Variants in CD8B2 observed in about 807,000 individuals in gnomAD.
CD8B2 encodes T-cell surface glycoprotein CD8 beta-2 chain.
In CD8B2, 11 loss-of-function variants were observed where a neutral mutation model predicts 23.7. The ratio of observed to expected loss-of-function variants is 0.46; its 90% CI spans 0.29 to 0.77. The LOEUF is 0.77. CD8B2 is among the 30% of genes least tolerant of loss of function. CD8B2 has a pLI of 0.09. For missense variants in CD8B2, 197 were observed against 270.5 expected, an observed-to-expected ratio of 0.73 and a Z score of 1.91; for synonymous variants, 90 against 109.3, an observed-to-expected ratio of 0.82 and a Z score of 1.10.
intron 5 of CD8B2, among the ~76,000 whole-genome samples, chr2:106,519,535 C>A (rs553307453): frequency 1.1e-4 from 16 of 152,320 alleles, no homozygotes; most frequent in African/African-American, 3.1e-4. Flanking sequence ...GCGTTCCTGA[C>A]TAGTGTTCAG....
intron 2 of CD8B2, among the ~76,000 whole-genome samples, chr2:106,494,503 G>C (rs531543682): frequency 2.6e-5 from 4 of 151,186 alleles, no homozygotes; most frequent in Non-Finnish European, 4.4e-5. Context: ...TGACTCTAGA[G>C]TTTAGGTTCA....
chr2:106,522,615 C>T (rs982307747), intron 5 of CD8B2, among the ~76,000 whole-genome samples: 9 of 152,166 alleles, frequency 5.9e-5, no homozygotes, highest in Admixed American at 6.5e-5. Context: ...CTTCTCAGGG[C>T]TTTCCACAGG....
intron 5 of CD8B2, among the ~76,000 whole-genome samples, chr2:106,506,145 AAAAG>A (rs1025882331): frequency 3.3e-5 from 5 of 152,148 alleles, no homozygotes; most frequent in Non-Finnish European, 7.4e-5. Context: ...CAAAAAAAAA[AAAAG>A]AAAGTTCCGT....
At chr2:106,522,417 TC>T (rs1558884041) in intron 5 of CD8B2, among the ~76,000 whole-genome samples, 1 of 152,192 alleles carries the variant, frequency 6.6e-6, no homozygotes, top group East Asian at 1.9e-4. Context: ...GAAGAATAAG[TC>T]ACCAATTAAA....
chr2:106,533,468 G>A (rs1306763815), intron 5 of CD8B2, among the ~76,000 whole-genome samples: 1 of 152,128 alleles, frequency 6.6e-6, no homozygotes, highest in East Asian at 1.9e-4. Flanking sequence ...GAGTTGAACT[G>A]TGAAATCCTA....
intron 5 of CD8B2, among the ~76,000 whole-genome samples, chr2:106,523,141 G>A (rs1194550217): frequency 6.6e-6 from 1 of 152,166 alleles, no homozygotes; most frequent in Non-Finnish European, 1.5e-5. Context: ...CTACCAGGGA[G>A]AAAAATTCCC....
intron 5 of CD8B2, among the ~76,000 whole-genome samples, chr2:106,533,421 G>T (rs916471119): frequency 9.2e-5 from 14 of 152,314 alleles, no homozygotes; most frequent in Admixed American, 9.1e-4. Context: ...ACAGTTGTGT[G>T]CAGTCCCTTT....
intron 5 of CD8B2, among the ~76,000 whole-genome samples, chr2:106,517,748 C>T (rs902038469): frequency 2.0e-5 from 3 of 151,786 alleles, no homozygotes; most frequent in East Asian, 1.9e-4. Context: ...GGTGTCGCTC[C>T]GTCGCCCAGG....
intron 5 of CD8B2, among the ~76,000 whole-genome samples, chr2:106,536,423 C>T (rs1052556151): frequency 6.6e-6 from 1 of 152,162 alleles, no homozygotes; most frequent in African/African-American, 2.4e-5. Flanking sequence ...CCAATCACCT[C>T]CCACCAGGCC....
chr2:106,524,612 A>G (rs1274966714), intron 5 of CD8B2, among the ~76,000 whole-genome samples: 1 of 152,176 alleles, frequency 6.6e-6, no homozygotes, highest in African/African-American at 2.4e-5. Context: ...CCATAGTTGG[A>G]GCAGTGAGAG....
In CD8B2 at chr2:106,509,604, T is replaced by G. The variant is rs1032372275; in HGVS notation, c.*2664T>G. 46 of 151,938 alleles carry G rather than the reference T, an allele frequency of 3.0e-4. 1 individual carries two copies. The highest frequency in any genetic ancestry group is 1.1e-3 in the African/African-American group (45 of 41,404). The allele number at this position is 151,938 out of a possible 1,614,324, so 9.4% of individuals were successfully genotyped here. The stretch of plus-strand genomic sequence containing the variant: ...GGGTGGTTTGTGCTCCTCCGTCAGT[T>G]TTCTGTGCAGCAGGCACCTGCCGAG... On this transcript the variant is annotated 3_prime_UTR_variant, in exon 6 of 6. Coordinates refer to ENST00000643224, the MANE Select transcript of CD8B2 (RefSeq NM_001349727.2).
At chr2:106,489,468 T>C (rs186952123) in intron 1 of CD8B2, among the ~76,000 whole-genome samples, 2,169 of 152,132 alleles carry the variant, frequency 0.014, 41 homozygotes, top group African/African-American at 0.049. Flanking sequence ...GTAAGCTGGC[T>C]CCTCTTGGGC....
At chr2:106,537,717 C>G (rs1227834705) in intron 5 of CD8B2, among the ~76,000 whole-genome samples, 9 of 152,180 alleles carry the variant, frequency 5.9e-5, no homozygotes, top group Admixed American at 1.3e-4. Flanking sequence ...AAGTGGCGGT[C>G]GATTTCTAAA....
At chr2:106,503,389 C>T (rs1679450181) in intron 4 of CD8B2, among the ~76,000 whole-genome samples, 1 of 151,954 alleles carries the variant, frequency 6.6e-6, no homozygotes. Flanking sequence ...CAGAAATGCA[C>T]CCAGGAGCAT....
rs544913021 is a variant in CD8B2, at chr2:106,527,853, G to C, written c.621-16139G>C. On this transcript the variant is annotated intron_variant, in intron 5 of 5. Coordinates refer to the CD8B2 transcript ENST00000416057. The stretch of plus-strand genomic sequence containing the variant: ...AAAAGACAGCCCAGGACCCAGCCTC[G>C]CAGGGAGGAGAGAACCACCCAACTG... Among the ~76,000 whole-genome samples the C allele has an allele frequency of 2.0e-5, 3 of 152,162 alleles. No homozygotes were observed. In the South Asian group the frequency reaches 6.2e-4, roughly 32 times the overall value.
chr2:106,503,211 C>T (rs1444951751), intron 4 of CD8B2, among the ~76,000 whole-genome samples: 3 of 152,114 alleles, frequency 2.0e-5, no homozygotes, highest in African/African-American at 2.4e-5. Flanking sequence ...GACTCTACCC[C>T]GGTTCTTCTG....
chr2:106,512,599 T>G (rs1193975420), downstream of CD8B2, among the ~76,000 whole-genome samples: 1 of 151,898 alleles, frequency 6.6e-6, no homozygotes, highest in Admixed American at 6.6e-5. Context: ...CTCACCAGCA[T>G]GCCCAGCTAA....
intron 5 of CD8B2, among the ~76,000 whole-genome samples, chr2:106,539,938 T>C (rs1418473578): frequency 2.6e-5 from 4 of 152,228 alleles, no homozygotes. Context: ...TAAATCTATT[T>C]CATAGTAAAC....
chr2:106,487,840 T>C (rs1679107307), intron 1 of CD8B2, among the ~76,000 whole-genome samples: 1 of 151,982 alleles, frequency 6.6e-6, no homozygotes, highest in Non-Finnish European at 1.5e-5. Flanking sequence ...CGGAGGAAGG[T>C]TGGCCAGGCC....
Sources: allele counts gnomAD v4.1 joint callset (sites outside exome capture counted in the v4.1 genomes callset), GRCh38; gene constraint gnomAD v4.1.1; transcripts MANE v1.5; gene names NCBI Gene and HGNC (gene_info 2026-07-23, HGNC 2026-07-21).